CYB5R3: variants seen among roughly 807,000 people sequenced by gnomAD.
The protein encoded by CYB5R3 is NADH-cytochrome b5 reductase 3.
A neutral mutation model predicts 36.5 loss-of-function variants in CYB5R3; 28 were observed. The observed-to-expected ratio is 0.77, with a 90% CI of 0.57 to 1.05. The LOEUF (loss-of-function observed/expected upper bound fraction) is 1.05. Ranked by LOEUF, CYB5R3 falls within the 50% of genes least tolerant of loss-of-function variation. CYB5R3 has a pLI of 0.00. For synonymous variants in CYB5R3, 181 were observed against 159.8 expected, an observed-to-expected ratio of 1.13 and a Z score of -1.00; for missense variants, 474 against 408.9, an observed-to-expected ratio of 1.16 and a Z score of -1.37.
At position 42,623,846 on chromosome 22, in the gene CYB5R3, T is replaced by G. The variant is rs1928118900; in HGVS notation, c.676A>C (p.Arg226=). The G allele has an allele frequency of 3.1e-6, 5 of 1,614,188 alleles. No individual in the cohort carries two copies. Among genetic ancestry groups the G allele is most frequent in the Middle Eastern group, 1.6e-4 (1 of 6,062 alleles). ...TTGAAGCGTGCAGAATGTTTGTTCC[T>G]GAGTTCCTCCAGCTCAGGTCGCAGC... ...ILLRPELEEL[R]NKHSARFKLW... is the part of the protein sequence containing the mutation. Residue 226 remains arginine (R), a synonymous_variant, in exon 8 of 9, where the codon AGG becomes CGG. Coordinates refer to ENST00000352397, the MANE Select transcript of CYB5R3 (RefSeq NM_000398.7).
intron 8 of CYB5R3, among the ~76,000 whole-genome samples, chr22:42,620,257 T>G (rs534751428): frequency 1.6e-4 from 25 of 152,216 alleles, no homozygotes; most frequent in African/African-American, 6.0e-4. Flanking sequence ...GCGGGGAATA[T>G]GAATCCCATT....
intron 4 of CYB5R3, among the ~76,000 whole-genome samples, chr22:42,629,632 C>T (rs998669575): frequency 5.3e-5 from 8 of 152,218 alleles, no homozygotes; most frequent in African/African-American, 1.9e-4. Flanking sequence ...GCCCCCAGAC[C>T]TGGCAAGGTA....
chr22:42,631,646 C>T lies in CYB5R3; in HGVS notation c.154-196G>A, dbSNP rs1928628130. 3 of 629,090 alleles carry T rather than the reference C, an allele frequency of 4.8e-6. No individual in the cohort carries two copies. In the South Asian group the frequency reaches 5.5e-5, roughly 11 times the overall value. The allele number at this position is 629,090 out of a possible 1,614,324, so 39.0% of individuals were successfully genotyped here. ...GCACGCTGCGTGTGAGGTGCTGAGG[C>T]CAGGCGCACGCTGGGTGTGTCTGTC... is the stretch of plus-strand genomic sequence containing the variant. On this transcript the variant is annotated intron_variant, in intron 2 of 8. Transcript: ENST00000352397.
In CYB5R3 at chr22:42,627,591, G is replaced by A; in HGVS notation, c.547+14C>T. ...CATGAGCCGCCGGACGCCTCAGTGG[G>A]GGGTTCCGTGTACCTGTCCCTCCCG... On this transcript the variant is annotated intron_variant, in intron 6 of 8. Transcript: ENST00000352397. The A allele has an allele frequency of 6.2e-7, 1 of 1,612,000 alleles. No homozygotes were observed. Among genetic ancestry groups the A allele is most frequent in the South Asian group, 1.1e-5 (1 of 91,024 alleles).
chr22:42,620,038 TGAAGAATGGA>T (rs1927882689), intron 8 of CYB5R3, 93 bp from the exon 9 acceptor site: 1 of 1,233,874 alleles, frequency 8.1e-7, no homozygotes, highest in Non-Finnish European at 1.2e-6. Context: ...CCTTAAATGC[TGAAGAATGGA>T]GAGGCTGATC....
chr22:42,630,205 C>T lies in CYB5R3; in HGVS notation c.333+677G>A, dbSNP rs144786322. On this transcript the variant is annotated intron_variant, in intron 4 of 8. Coordinates refer to ENST00000352397, the MANE Select transcript of CYB5R3 (RefSeq NM_000398.7). ...TCAGGTTCCGGGCTGCTGCCCCTAA[C>T]GCCTGCATCTTCTCCTGTGAACCTC... Among the ~76,000 whole-genome samples, 193 of 152,268 alleles carry T rather than the reference C, an allele frequency of 1.3e-3. 1 individual carries two copies. The highest frequency in any genetic ancestry group is 4.4e-3 in the African/African-American group (181 of 41,546).
chr22:42,628,284 G>C lies in CYB5R3; in HGVS notation c.334-3C>G. 1 of 1,613,680 alleles carries C rather than the reference G, an allele frequency of 6.2e-7. No homozygotes were observed. The highest frequency in any genetic ancestry group is 8.5e-7 in the Non-Finnish European group (1 of 1,179,766). ...GGATGGGTGTCCTTGAAGTAAACCTGCAAGACACCCCCGCAGCCCTCAGTC... is the reference window on the plus strand; with the variant it reads ...GGATGGGTGTCCTTGAAGTAAACCTCCAAGACACCCCCGCAGCCCTCAGTC... On this transcript the variant is annotated splice_polypyrimidine_tract_variant and splice_region_variant and intron_variant, in intron 4 of 8. Coordinates refer to ENST00000352397, the MANE Select transcript of CYB5R3 (RefSeq NM_000398.7).
chr22:42,623,804 C>T lies in CYB5R3; in HGVS notation c.718G>A (p.Asp240Asn). 1 of 1,613,990 alleles carries T rather than the reference C, an allele frequency of 6.2e-7. No individual in the cohort carries two copies. Among genetic ancestry groups the T allele is most frequent in the South Asian group, 1.1e-5 (1 of 91,070 alleles). Reference sequence around the variant, plus strand: ...CCTCACTCACCTTCAGGGGCTCTGTCCAGCGTGTACCAGAGCTTGAAGCGT... The same window carrying T: ...CCTCACTCACCTTCAGGGGCTCTGTTCAGCGTGTACCAGAGCTTGAAGCGT... ...SARFKLWYTL[D>N]RAPEAWDYGQ... Residue 240 changes from aspartate to asparagine, a missense_variant, in exon 8 of 9, where the codon GAC becomes AAC. Transcript: ENST00000352397.
chr22:42,644,762 G>T, intron 1 of CYB5R3: 1 of 515,350 alleles, frequency 1.9e-6, no homozygotes, highest in Non-Finnish European at 2.5e-6. Context: ...CCCTGGCAAT[G>T]AACTTGAATG....
At chr22:42,633,956 A>G (rs1385582655) in intron 2 of CYB5R3, among the ~76,000 whole-genome samples, 1 of 152,168 alleles carries the variant, frequency 6.6e-6, no homozygotes, top group African/African-American at 2.4e-5. Context: ...CAACCCACCA[A>G]TAACAATAAC....
intron 5 of CYB5R3, 58 bp downstream of exon 5, chr22:42,628,094 C>A (rs1011898665): frequency 1.2e-6 from 2 of 1,610,892 alleles, no homozygotes; most frequent in African/African-American, 2.7e-5. Context: ...CCCAGCACGC[C>A]CAAGCTCTCC....
intron 3 of CYB5R3, 52 bp downstream of exon 3, chr22:42,631,326 T>C (rs1209704012): frequency 6.7e-7 from 1 of 1,490,474 alleles, no homozygotes; most frequent in African/African-American, 1.4e-5. Context: ...TCTGATCTAG[T>C]GCCCCAGCAG....
At chr22:42,630,588 C>G (rs1168614342) in intron 4 of CYB5R3, among the ~76,000 whole-genome samples, 1 of 152,238 alleles carries the variant, frequency 6.6e-6, no homozygotes, top group Non-Finnish European at 1.5e-5. Context: ...CCCCTGTTCT[C>G]TGCCAAGACC....
At chr22:42,645,982 G>A (rs1458725053) in intron 1 of CYB5R3, among the ~76,000 whole-genome samples, 1 of 152,188 alleles carries the variant, frequency 6.6e-6, no homozygotes, top group African/African-American at 2.4e-5. Flanking sequence ...CCACAGCCAG[G>A]AGCAGTGGAG....
At position 42,617,841 on chromosome 22, in the gene CYB5R3, C is replaced by G. The variant is rs1384037286; in HGVS notation, c.*1932G>C. On this transcript the variant is annotated 3_prime_UTR_variant, in exon 9 of 9. Transcript: ENST00000352397. ...CTTCCAGCCACCTATCTTCTTCGAT[C>G]TGTTTCTGAAAGTTTATTCCACAAG... The G allele has an allele frequency of 2.6e-5, 4 of 152,378 alleles. No individual in the cohort carries two copies. Among genetic ancestry groups the G allele is most frequent in the Admixed American group, 2.0e-4 (3 of 15,272 alleles). 9.4% of individuals were successfully genotyped at this position (152,378 alleles called of 1,614,324 possible).
rs1192473917 is a variant in CYB5R3 at position 42,640,392 on chromosome 22, T to TATTC, written c.22-3547_22-3546insGAAT. 89 of 540,736 alleles carry TATTC rather than the reference T, an allele frequency of 1.6e-4. 1 individual carries two copies. In the Admixed American group the frequency reaches 4.0e-3, roughly 25 times the overall value. The allele number at this position is 540,736 out of a possible 1,614,324, so 33.5% of individuals were successfully genotyped here. ...TTATTTATTTATTTATTTATTTATT[T>TATTC]ATTTGAGATGGAGTCTCACTCTATC... On this transcript the variant is annotated intron_variant, in intron 1 of 8. Coordinates refer to ENST00000352397, the MANE Select transcript of CYB5R3 (RefSeq NM_000398.7).
intron 1 of CYB5R3, 84 bp from the exon 2 acceptor site, chr22:42,636,930 C>T: frequency 6.5e-7 from 1 of 1,546,652 alleles, no homozygotes. Context: ...CAGGCCTCTG[C>T]TCACGCTGCC....
chr22:42,624,702 T>A (rs962111064), intron 7 of CYB5R3, among the ~76,000 whole-genome samples: 2 of 150,552 alleles, frequency 1.3e-5, no homozygotes, highest in African/African-American at 2.4e-5. Context: ...GCAGTGTCCC[T>A]GACCTCAGGG....
At chr22:42,635,079 C>T (rs998379019) in intron 2 of CYB5R3, among the ~76,000 whole-genome samples, 2 of 151,932 alleles carry the variant, frequency 1.3e-5, no homozygotes, top group Non-Finnish European at 2.9e-5. Context: ...ACGTCATTCT[C>T]CTGCCTCAGC....
Sources: allele counts gnomAD v4.1 joint callset (sites outside exome capture counted in the v4.1 genomes callset), GRCh38; gene constraint gnomAD v4.1.1; transcripts MANE v1.5; gene names NCBI Gene and HGNC (gene_info 2026-07-23, HGNC 2026-07-21).